RCAN2: variants seen among roughly 807,000 people sequenced by gnomAD.
RCAN2 encodes the protein regulator of calcineurin 2, also known as calcipressin-2.
A neutral mutation model predicts 23.6 loss-of-function variants in RCAN2; 9 were observed. That is an observed-to-expected ratio of 0.38 (90% confidence interval 0.23 to 0.67). The LOEUF is 0.67. RCAN2 is among the 30% of genes least tolerant of loss of function. The pLI is 0.51. For synonymous variants in RCAN2, 109 were observed against 115.7 expected, an observed-to-expected ratio of 0.94 and a Z score of 0.37; for missense variants, 273 against 302.3, an observed-to-expected ratio of 0.90 and a Z score of 0.72.
chr6:46,385,487 C>T (rs1184344545), intron 2 of RCAN2, among the ~76,000 whole-genome samples: 2 of 152,110 alleles, frequency 1.3e-5, no homozygotes. Context: ...GGAAAACGGG[C>T]TAGCCATAAG....
At chr6:46,227,899 C>T (rs1459737019) in intron 4 of RCAN2, among the ~76,000 whole-genome samples, 1 of 152,250 alleles carries the variant, frequency 6.6e-6, no homozygotes, top group East Asian at 1.9e-4. Context: ...CCTGCTTTCT[C>T]TTGTGGGCAT....
chr6:46,457,600 T>G (rs893107911), intron 1 of RCAN2, among the ~76,000 whole-genome samples: 3 of 152,192 alleles, frequency 2.0e-5, no homozygotes, highest in African/African-American at 7.2e-5. Context: ...ACCTGAATCC[T>G]GATCATGATA....
chr6:46,377,547 G>A (rs1337943013), intron 2 of RCAN2, among the ~76,000 whole-genome samples: 1 of 152,234 alleles, frequency 6.6e-6, no homozygotes, highest in Non-Finnish European at 1.5e-5. Context: ...AGCCAAGGGT[G>A]CAGCTGTCTT....
chr6:46,399,532 A>G (rs1347073075), intron 2 of RCAN2, among the ~76,000 whole-genome samples: 1 of 151,604 alleles, frequency 6.6e-6, no homozygotes, highest in Non-Finnish European at 1.5e-5. Flanking sequence ...ACAAAAATGT[A>G]TTCTTTCACA....
intron 2 of RCAN2, among the ~76,000 whole-genome samples, chr6:46,255,430 A>T (rs1207432050): frequency 6.6e-6 from 1 of 152,196 alleles, no homozygotes; most frequent in East Asian, 1.9e-4. Context: ...AAGGTTCTGG[A>T]TGAGTTAGAA....
chr6:46,352,491 G>A (rs574584595), intron 2 of RCAN2, among the ~76,000 whole-genome samples: 2 of 152,228 alleles, frequency 1.3e-5, no homozygotes, highest in South Asian at 4.2e-4. Flanking sequence ...GGCTTCATCG[G>A]CCTCTCCCCT....
intron 2 of RCAN2, among the ~76,000 whole-genome samples, chr6:46,394,833 A>G (rs1377589021): frequency 6.6e-6 from 1 of 152,226 alleles, no homozygotes; most frequent in African/African-American, 2.4e-5. Context: ...TAATAAAGAG[A>G]TGACAATAGC....
At chr6:46,273,818 A>G (rs1410353941) in intron 2 of RCAN2, among the ~76,000 whole-genome samples, 1 of 152,138 alleles carries the variant, frequency 6.6e-6, no homozygotes, top group Non-Finnish European at 1.5e-5. Context: ...TGAGCTAATC[A>G]TGATCATTTC....
At chr6:46,288,408 G>A (rs1199358439) in intron 2 of RCAN2, among the ~76,000 whole-genome samples, 1 of 152,128 alleles carries the variant, frequency 6.6e-6, no homozygotes, top group African/African-American at 2.4e-5. Flanking sequence ...CTTTAACTCT[G>A]GCTGGCTGCC....
intron 2 of RCAN2, among the ~76,000 whole-genome samples, chr6:46,264,872 T>G (rs1327489517): frequency 6.6e-6 from 1 of 152,192 alleles, no homozygotes; most frequent in Non-Finnish European, 1.5e-5. Flanking sequence ...CCCGCACATA[T>G]GCTAATTTAT....
intron 1 of RCAN2, among the ~76,000 whole-genome samples, chr6:46,488,567 A>T (rs974369600): frequency 1.3e-5 from 2 of 152,256 alleles, no homozygotes; most frequent in Non-Finnish European, 2.9e-5. Context: ...AGTCTCAGAA[A>T]TGAAGAGAAG....
At chr6:46,326,102 C>A (rs1372571) in intron 2 of RCAN2, among the ~76,000 whole-genome samples, 1 of 152,140 alleles carries the variant, frequency 6.6e-6, no homozygotes, top group South Asian at 2.1e-4. Context: ...TAATGCATCC[C>A]GGGCATGGGC....
At chr6:46,394,649 G>T (rs961971917) in intron 2 of RCAN2, among the ~76,000 whole-genome samples, 2 of 152,114 alleles carry the variant, frequency 1.3e-5, no homozygotes, top group African/African-American at 4.8e-5. Context: ...AGCCTGTAAG[G>T]CCTTTTGCTT....
intron 2 of RCAN2, among the ~76,000 whole-genome samples, chr6:46,368,632 C>T (rs1765242139): frequency 6.6e-6 from 1 of 151,928 alleles, no homozygotes; most frequent in Admixed American, 6.6e-5. Flanking sequence ...AATTGTAACA[C>T]AATAATACAC....
At chr6:46,411,300 T>C (rs1415749329) in intron 2 of RCAN2, among the ~76,000 whole-genome samples, 2 of 152,138 alleles carry the variant, frequency 1.3e-5, no homozygotes, top group East Asian at 1.9e-4. Context: ...AATTCAGAGA[T>C]AGAAAACAGA....
intron 2 of RCAN2, among the ~76,000 whole-genome samples, chr6:46,320,083 T>C (rs976147037): frequency 6.6e-6 from 1 of 152,230 alleles, no homozygotes; most frequent in Non-Finnish European, 1.5e-5. Flanking sequence ...TTAAATCATA[T>C]ACAACTCAAA....
Position 46,447,254 on chromosome 6 carries a change from T to G in RCAN2, c.225+9498A>C, listed in dbSNP as rs539241574. ...AGACAAAGAAAGCCATTATATAAGTTAAAATGATTAATTTGATAATAACGG... is the reference window on the plus strand; with the variant it reads ...AGACAAAGAAAGCCATTATATAAGTGAAAATGATTAATTTGATAATAACGG... On this transcript the variant is annotated intron_variant, in intron 2 of 4. Coordinates refer to ENST00000371374, the MANE Select transcript of RCAN2 (RefSeq NM_001251974.2). Among the ~76,000 whole-genome samples, 4 of 152,068 alleles carry G rather than the reference T, an allele frequency of 2.6e-5. No individual in the cohort carries two copies. In the South Asian group the frequency reaches 8.3e-4, roughly 32 times the overall value.
intron 2 of RCAN2, among the ~76,000 whole-genome samples, chr6:46,330,260 C>T (rs76000556): frequency 0.011 from 1,641 of 152,200 alleles, 28 homozygotes; most frequent in African/African-American, 0.037. Context: ...GGCAGATTCT[C>T]GGGCCCCACC....
chr6:46,352,079 C>T (rs988179673), intron 2 of RCAN2, among the ~76,000 whole-genome samples: 1 of 152,174 alleles, frequency 6.6e-6, no homozygotes, highest in African/African-American at 2.4e-5. Flanking sequence ...AAGCCATGAA[C>T]ATAAGAGTAT....
Sources: gnomAD v4.1 joint callset for allele counts (sites outside exome capture counted in the v4.1 genomes callset) on GRCh38, gnomAD v4.1.1 for gene constraint, MANE v1.5 for transcripts, NCBI Gene and HGNC (gene_info 2026-07-23, HGNC 2026-07-21) for gene names.